Variants in FHIT observed in about 807,000 individuals in gnomAD.
The protein encoded by FHIT is bis(5'-adenosyl)-triphosphatase.
A neutral mutation model predicts 17.9 loss-of-function variants in FHIT; 19 were observed. The observed-to-expected ratio is 1.06, with a 90% CI of 0.74 to 1.56. The LOEUF is 1.56. Ranked by LOEUF, FHIT falls within the 40% of genes most tolerant of loss-of-function variation. The pLI is 0.00. For missense variants in FHIT, 248 were observed against 189.2 expected, an observed-to-expected ratio of 1.31 and a Z score of -1.82; for synonymous variants, 81 against 69.7, an observed-to-expected ratio of 1.16 and a Z score of -0.81.
intron 5 of FHIT, among the ~76,000 whole-genome samples, chr3:60,044,435 G>A (rs1160969279): frequency 6.6e-6 from 1 of 152,144 alleles, no homozygotes; most frequent in East Asian, 1.9e-4. Flanking sequence ...TGAGTGCCCA[G>A]GGTAAGCCTT....
intron 3 of FHIT, among the ~76,000 whole-genome samples, chr3:60,835,307 A>G (rs189785585): frequency 4.1e-4 from 62 of 152,284 alleles, no homozygotes; most frequent in Middle Eastern, 3.4e-3. Flanking sequence ...CTGTATATCA[A>G]TTTGGGAAGT....
At chr3:60,588,365 G>A (rs1553662894) in intron 4 of FHIT, among the ~76,000 whole-genome samples, 1 of 151,958 alleles carries the variant, frequency 6.6e-6, no homozygotes, top group Non-Finnish European at 1.5e-5. Context: ...TCAAATGACT[G>A]AAATCTAAGT....
chr3:60,575,001 G>C (rs968762649), intron 4 of FHIT, among the ~76,000 whole-genome samples: 5 of 151,698 alleles, frequency 3.3e-5, no homozygotes, highest in African/African-American at 1.2e-4. Flanking sequence ...CATCTTTATG[G>C]GCCCAAGAAT....
At chr3:60,708,417 G>A (rs933639552) in intron 4 of FHIT, among the ~76,000 whole-genome samples, 2 of 152,132 alleles carry the variant, frequency 1.3e-5, no homozygotes, top group African/African-American at 4.8e-5. Context: ...AGCCCCTATA[G>A]AAACCCTTCC....
At chr3:60,159,500 A>G (rs752495207) in intron 5 of FHIT, among the ~76,000 whole-genome samples, 1 of 152,170 alleles carries the variant, frequency 6.6e-6, no homozygotes, top group Non-Finnish European at 1.5e-5. Context: ...TATGGTTTAA[A>G]TTAAATTATA....
intron 4 of FHIT, among the ~76,000 whole-genome samples, chr3:60,574,289 C>A (rs1477845036): frequency 1.3e-5 from 2 of 152,052 alleles, no homozygotes; most frequent in African/African-American, 2.4e-5. Context: ...AAAAGCAACT[C>A]CAGTGGAAAC....
chr3:60,284,629 G>A (rs1707630395), intron 5 of FHIT, among the ~76,000 whole-genome samples: 1 of 151,926 alleles, frequency 6.6e-6, no homozygotes, highest in Non-Finnish European at 1.5e-5. Flanking sequence ...TACACCCATT[G>A]TTTCTGAGTA....
intron 5 of FHIT, among the ~76,000 whole-genome samples, chr3:60,143,187 C>T (rs937244827): frequency 1.3e-5 from 2 of 152,196 alleles, no homozygotes; most frequent in African/African-American, 4.8e-5. Flanking sequence ...AGGGGCACAT[C>T]ATAGCCACGG....
chr3:61,057,762 A>G (rs769768357), intron 2 of FHIT, among the ~76,000 whole-genome samples: 1 of 152,228 alleles, frequency 6.6e-6, no homozygotes, highest in Non-Finnish European at 1.5e-5. Flanking sequence ...CCAGATGAGG[A>G]GTCAAGCGTC....
intron 5 of FHIT, among the ~76,000 whole-genome samples, chr3:60,246,423 A>C (rs1371535798): frequency 6.6e-6 from 1 of 152,130 alleles, no homozygotes; most frequent in Non-Finnish European, 1.5e-5. Context: ...CAAACAGTTC[A>C]CAGGTTTCTT....
At chr3:60,278,754 G>T (rs1380151897) in intron 5 of FHIT, among the ~76,000 whole-genome samples, 2 of 151,858 alleles carry the variant, frequency 1.3e-5, no homozygotes, top group African/African-American at 4.8e-5. Context: ...ATCACTCGAG[G>T]TATTATTTCC....
chr3:59,940,481 T>G (rs184826072), intron 7 of FHIT, among the ~76,000 whole-genome samples: 6 of 152,316 alleles, frequency 3.9e-5, no homozygotes, highest in African/African-American at 1.4e-4. Flanking sequence ...ATCCTGGGCA[T>G]GAAGAAACCC....
intron 5 of FHIT, among the ~76,000 whole-genome samples, chr3:60,322,220 C>T (rs547185944): frequency 1.3e-5 from 2 of 152,138 alleles, no homozygotes; most frequent in South Asian, 2.1e-4. Flanking sequence ...TTCAGGAGAT[C>T]CTGGAGTATA....
intron 8 of FHIT, among the ~76,000 whole-genome samples, chr3:59,803,406 G>A (rs1446998693): frequency 6.6e-6 from 1 of 152,202 alleles, no homozygotes; most frequent in Non-Finnish European, 1.5e-5. Context: ...TCACCTGGGT[G>A]AGCGGGCTTG....
intron 2 of FHIT, among the ~76,000 whole-genome samples, chr3:61,054,688 T>C (rs563879368): frequency 9.2e-5 from 14 of 152,290 alleles, no homozygotes; most frequent in African/African-American, 3.4e-4. Context: ...AAGCCAGATC[T>C]AGACATTTCT....
intron 8 of FHIT, among the ~76,000 whole-genome samples, chr3:59,753,326 C>A (rs1329203463): frequency 2.0e-5 from 3 of 152,170 alleles, no homozygotes; most frequent in Non-Finnish European, 4.4e-5. Flanking sequence ...TCAAAATTAA[C>A]ACTTGAATCA....
At chr3:60,687,596 T>G (rs2040887548) in intron 4 of FHIT, among the ~76,000 whole-genome samples, 1 of 152,070 alleles carries the variant, frequency 6.6e-6, no homozygotes, top group African/African-American at 2.4e-5. Flanking sequence ...TATGATCAAT[T>G]TTTTTCTAAA....
intron 1 of FHIT, among the ~76,000 whole-genome samples, chr3:61,234,533 T>C (rs147300819): frequency 7.0e-4 from 107 of 152,292 alleles, no homozygotes; most frequent in African/African-American, 2.5e-3. Context: ...CATTTTCTGT[T>C]AGAAAACTAA....
intron 3 of FHIT, among the ~76,000 whole-genome samples, chr3:60,942,613 C>A (rs557637532): frequency 6.6e-6 from 1 of 152,086 alleles, no homozygotes; most frequent in South Asian, 2.1e-4. Flanking sequence ...TCAAGTTTGA[C>A]AAGTGAGAAT....
Sources: allele counts gnomAD v4.1 joint callset (sites outside exome capture counted in the v4.1 genomes callset), GRCh38; gene constraint gnomAD v4.1.1; transcripts MANE v1.5; gene names NCBI Gene and HGNC (gene_info 2026-07-23, HGNC 2026-07-21).